AHDC1: variants seen among roughly 807,000 people sequenced by gnomAD.
AHDC1 encodes the protein AT-hook DNA binding motif containing 1.
In AHDC1, 7 loss-of-function variants were observed where a neutral mutation model predicts 87.9. The ratio of observed to expected loss-of-function variants is 0.08; its 90% confidence interval spans 0.05 to 0.15. The LOEUF is 0.15. Ranked by LOEUF, AHDC1 falls within the 10% of genes least tolerant of loss-of-function variation. AHDC1 has a pLI of 1.00. For missense variants in AHDC1, 1,841 were observed against 2,253.2 expected (o/e 0.82, Z 3.70); for synonymous variants, 1,051 against 1,006.8 (o/e 1.04, Z -0.83).
intron 7 of AHDC1, chr1:27,552,416 T>C (rs1378832375): frequency 3.1e-6 from 1 of 326,578 alleles, no homozygotes; most frequent in East Asian, 4.8e-5. Context: ...TTTTTTTTTT[T>C]GGAAGAGAGT....
At chr1:27,583,670 A>C (rs2088970304) in intron 3 of AHDC1, among the ~76,000 whole-genome samples, 1 of 152,104 alleles carries the variant, frequency 6.6e-6, no homozygotes, top group Admixed American at 6.5e-5. Context: ...CTTTGTGACT[A>C]ATAGTGTGGC....
At chr1:27,537,731 A>C (rs1337033661) in intron 8 of AHDC1, among the ~76,000 whole-genome samples, 4 of 152,164 alleles carry the variant, frequency 2.6e-5, no homozygotes, top group African/African-American at 9.7e-5. Flanking sequence ...TTCACCTTTT[A>C]GTGCCTCCGT....
chr1:27,569,814 C>T (rs2020490121), intron 3 of AHDC1, among the ~76,000 whole-genome samples: 1 of 152,110 alleles, frequency 6.6e-6, no homozygotes, highest in African/African-American at 2.4e-5. Context: ...CCTGACCCGA[C>T]AGGCCTGGAC....
At chr1:27,601,736 CT>C (rs982492275) in intron 3 of AHDC1, among the ~76,000 whole-genome samples, 26 of 152,204 alleles carry the variant, frequency 1.7e-4, no homozygotes, top group African/African-American at 5.3e-4. Flanking sequence ...GGGGGACAGA[CT>C]GGTAATCTTT....
At chr1:27,594,750 G>T (rs1012583319) in intron 3 of AHDC1, among the ~76,000 whole-genome samples, 2 of 152,170 alleles carry the variant, frequency 1.3e-5, no homozygotes, top group Non-Finnish European at 1.5e-5. Context: ...CTGTCTAGGG[G>T]AACAAGGTGG....
intron 3 of AHDC1, among the ~76,000 whole-genome samples, chr1:27,600,325 G>T (rs917508746): frequency 3.9e-5 from 6 of 152,026 alleles, no homozygotes; most frequent in Admixed American, 3.3e-4. Flanking sequence ...AGACAGAGCT[G>T]GGCTCCATCC....
At chr1:27,567,388 G>A (rs940788120) in intron 3 of AHDC1, among the ~76,000 whole-genome samples, 1 of 152,092 alleles carries the variant, frequency 6.6e-6, no homozygotes, top group Non-Finnish European at 1.5e-5. Flanking sequence ...CCGTCGGGGG[G>A]CCGGGAGGGG....
Position 27,548,726 on chromosome 1 carries a change from G to C in AHDC1, c.3390C>G (p.Pro1130=). The C allele has an allele frequency of 1.2e-6, 2 of 1,613,334 alleles. No homozygotes were observed. Among genetic ancestry groups the C allele is most frequent in the East Asian group, 2.2e-5 (1 of 44,890 alleles). Residue 1130 remains proline (P), a synonymous_variant, in exon 8 of 9, where the codon CCC becomes CCG. Coordinates refer to ENST00000673934, the MANE Select transcript of AHDC1 (RefSeq NM_001371928.1). ...ASEAFSQLYN[P]SFDCHVSEPN... ...GCTCGCTGACGTGGCAGTCAAAACT[G>C]GGATTGTAGAGCTGACTAAAGGCCT...
At position 27,590,212 on chromosome 1, in the gene AHDC1, G is replaced by A. The variant is rs1396456993; in HGVS notation, c.-629+13185C>T. On this transcript the variant is annotated intron_variant, in intron 3 of 8. Transcript: ENST00000673934. The surrounding 1 kb of genome is among the most constrained non-coding windows in gnomAD (Gnocchi z 5.4). Reference sequence around the variant, plus strand: ...TGAGCAGGCTGCGGGGTTTGGCAGCGCGCCTGCTGGAGACCCGCCCTCACC... The same window carrying A: ...TGAGCAGGCTGCGGGGTTTGGCAGCACGCCTGCTGGAGACCCGCCCTCACC... Among the ~76,000 whole-genome samples the A allele has an allele frequency of 2.0e-5, 3 of 152,320 alleles. No homozygotes were observed. Among genetic ancestry groups the A allele is most frequent in the Admixed American group, 6.5e-5 (1 of 15,312 alleles).
At chr1:27,596,069 T>G (rs554550136) in intron 3 of AHDC1, among the ~76,000 whole-genome samples, 22 of 151,984 alleles carry the variant, frequency 1.4e-4, no homozygotes, top group African/African-American at 5.1e-4. Context: ...TTTGTGTGTG[T>G]TAGGGGGGAT....
At chr1:27,602,281 C>T (rs1409383195) in intron 3 of AHDC1, among the ~76,000 whole-genome samples, 1 of 152,124 alleles carries the variant, frequency 6.6e-6, no homozygotes, top group Non-Finnish European at 1.5e-5. Context: ...TCTCCCTCCT[C>T]CCGCTCTGTG....
chr1:27,576,850 T>C (rs983118170), intron 3 of AHDC1, among the ~76,000 whole-genome samples: 4 of 152,188 alleles, frequency 2.6e-5, no homozygotes, highest in African/African-American at 9.7e-5. Flanking sequence ...CTTTTGGGCA[T>C]GTGGTGACCC....
intron 3 of AHDC1, among the ~76,000 whole-genome samples, chr1:27,594,326 AG>A (rs748581112): frequency 1.3e-5 from 2 of 152,046 alleles, no homozygotes; most frequent in Admixed American, 6.5e-5. Flanking sequence ...AGGTGAGCCA[AG>A]GGGTTGGGGG....
Position 27,566,064 on chromosome 1 carries a change from A to G in AHDC1, c.-628-7181T>C, listed in dbSNP as rs558522412. ...CCCTGCCCCCTGCACCAGCTCCCCA[A>G]TCTTCATAGGCCTGGGAAGGAAACA... On this transcript the variant is annotated intron_variant, in intron 3 of 8. Coordinates refer to ENST00000673934, the MANE Select transcript of AHDC1 (RefSeq NM_001371928.1). Among the ~76,000 whole-genome samples the G allele has an allele frequency of 3.3e-5, 5 of 152,302 alleles. No individual in the cohort carries two copies. The South Asian group carries it at 6.2e-4, about 19-fold the overall frequency.
intron 8 of AHDC1, among the ~76,000 whole-genome samples, chr1:27,535,804 T>A (rs973527460): frequency 6.6e-6 from 1 of 152,138 alleles, no homozygotes; most frequent in African/African-American, 2.4e-5. Context: ...GTTCTCATTA[T>A]GCTTGCGGGG....
chr1:27,566,641 G>T (rs2020329404), intron 3 of AHDC1, among the ~76,000 whole-genome samples: 2 of 141,790 alleles, frequency 1.4e-5, no homozygotes, highest in African/African-American at 5.3e-5. Flanking sequence ...TTAGAGTGTG[G>T]GGGGAACAGC....
chr1:27,569,727 C>T (rs1239561451), intron 3 of AHDC1, among the ~76,000 whole-genome samples: 2 of 152,228 alleles, frequency 1.3e-5, no homozygotes, highest in East Asian at 3.9e-4. Flanking sequence ...TTCCAGCAGG[C>T]TCACCTCCAC....
intron 3 of AHDC1, among the ~76,000 whole-genome samples, chr1:27,580,921 G>A (rs2788681): frequency 3.7e-4 from 56 of 151,892 alleles, no homozygotes; most frequent in African/African-American, 1.2e-3. Context: ...TGCAACCTCC[G>A]CCTCCCGGGT....
intron 8 of AHDC1, among the ~76,000 whole-genome samples, chr1:27,541,013 A>C (rs1188869217): frequency 2.0e-5 from 3 of 150,226 alleles, no homozygotes; most frequent in Non-Finnish European, 4.4e-5. Context: ...AAAAAAAAAA[A>C]AAAAAAAAAA....
Sources: allele counts gnomAD v4.1 joint callset (sites outside exome capture counted in the v4.1 genomes callset), GRCh38; gene constraint gnomAD v4.1.1; non-coding constraint Gnocchi (gnomAD v3.1); transcripts MANE v1.5; gene names NCBI Gene and HGNC (gene_info 2026-07-23, HGNC 2026-07-21).